The following CDH13 variants were observed in gnomAD, a reference collection of about 807,000 sequenced individuals.
The protein encoded by CDH13 is cadherin 13, also known as cadherin-13.
Under a neutral mutation model 63.8 loss-of-function variants are expected in CDH13, and 24 were observed. That is an observed-to-expected ratio of 0.38 (90% CI 0.27 to 0.53). CDH13 has a LOEUF of 0.53. Among genes scored for constraint, CDH13 ranks in the 20% least tolerant of loss-of-function variants. CDH13 has a pLI of 0.85. For missense variants in CDH13, 1,049 were observed against 903.1 expected (o/e 1.16, Z -2.07); for synonymous variants, 503 against 355.3 (o/e 1.42, Z -4.67).
At chr16:83,341,559 C>A (rs1199425506) in intron 5 of CDH13, among the ~76,000 whole-genome samples, 3 of 152,146 alleles carry the variant, frequency 2.0e-5, no homozygotes, top group Non-Finnish European at 2.9e-5. Flanking sequence ...ACAAACATTT[C>A]CTATTATATA....
intron 5 of CDH13, among the ~76,000 whole-genome samples, chr16:83,342,390 T>C (rs1457969243): frequency 2.0e-5 from 3 of 152,360 alleles, no homozygotes; most frequent in Non-Finnish European, 4.4e-5. Context: ...GGCTGACATG[T>C]AGTGAGTCCT....
chr16:83,347,069 C>T (rs1048743530), intron 6 of CDH13, among the ~76,000 whole-genome samples: 1 of 152,154 alleles, frequency 6.6e-6, no homozygotes, highest in African/African-American at 2.4e-5. Context: ...AAAAGACTTT[C>T]AAACAAAAAG....
chr16:83,408,255 G>GACA (rs2092076167), intron 6 of CDH13, among the ~76,000 whole-genome samples: 3 of 152,028 alleles, frequency 2.0e-5, no homozygotes, highest in Middle Eastern at 3.2e-3. Context: ...GACAAAACTG[G>GACA]GAACACTGCA....
At position 83,495,882 on chromosome 16, in the gene CDH13, C is replaced by A. The variant is rs9924760; in HGVS notation, c.960+9227C>A. Among the ~76,000 whole-genome samples, 5 of 151,812 alleles carry A rather than the reference C, an allele frequency of 3.3e-5. No homozygotes were observed. The South Asian group carries it at 6.2e-4, about 19-fold the overall frequency. On this transcript the variant is annotated intron_variant, in intron 7 of 13. Transcript: ENST00000567109. The stretch of plus-strand genomic sequence containing the variant: ...AACCATTAACAGACAAACAGAGAGC[C>A]AAATCATGAGTGAACTCCCATTCAC...
At chr16:82,842,147 T>TATATATATATATACATAC (rs2039057799) in intron 1 of CDH13, among the ~76,000 whole-genome samples, 1 of 21,424 alleles carries the variant, frequency 4.7e-5, no homozygotes, top group Non-Finnish European at 1.1e-4. Flanking sequence ...TACACATATA[T>TATATATATATATACATAC]ATATATATAT....
intron 4 of CDH13, among the ~76,000 whole-genome samples, chr16:83,158,659 C>A (rs193075834): frequency 6.6e-6 from 1 of 152,238 alleles, no homozygotes; most frequent in Non-Finnish European, 1.5e-5. Flanking sequence ...TGCAGAGCCA[C>A]GTTAAACAGA....
At chr16:83,550,862 C>T (rs2075477543) in intron 7 of CDH13, among the ~76,000 whole-genome samples, 1 of 152,114 alleles carries the variant, frequency 6.6e-6, no homozygotes, top group South Asian at 2.1e-4. Flanking sequence ...CCTAACCTCT[C>T]AGGTTAGAAA....
intron 8 of CDH13, chr16:83,654,996 C>T (rs1912738879): frequency 6.6e-6 from 1 of 152,290 alleles, no homozygotes; most frequent in Non-Finnish European, 1.5e-5. Context: ...ATGCACAGCC[C>T]ATGACCTTGG....
intron 7 of CDH13, among the ~76,000 whole-genome samples, chr16:83,555,597 A>G (rs117906232): frequency 0.014 from 2,082 of 152,362 alleles, 28 homozygotes; most frequent in Non-Finnish European, 0.023. Context: ...AAGTTAAAAC[A>G]TGATGTGTGA....
At chr16:83,405,511 A>G (rs1394225602) in intron 6 of CDH13, among the ~76,000 whole-genome samples, 1 of 152,224 alleles carries the variant, frequency 6.6e-6, no homozygotes, top group Non-Finnish European at 1.5e-5. Context: ...AGCAGCACCT[A>G]GAAGCAGGAA....
intron 8 of CDH13, among the ~76,000 whole-genome samples, chr16:83,635,619 G>A (rs1911190314): frequency 6.6e-6 from 1 of 152,008 alleles, no homozygotes; most frequent in Admixed American, 6.6e-5. Context: ...TGGGATTACA[G>A]GTGTGAGCCA....
chr16:83,710,934 G>T (rs1907944883), intron 10 of CDH13, among the ~76,000 whole-genome samples: 1 of 152,200 alleles, frequency 6.6e-6, no homozygotes, highest in Non-Finnish European at 1.5e-5. Flanking sequence ...GGCTGTCTCT[G>T]GTGGGCTGAA....
chr16:83,436,112 A>G (rs959713719), intron 6 of CDH13, among the ~76,000 whole-genome samples: 34 of 152,274 alleles, frequency 2.2e-4, no homozygotes, highest in African/African-American at 7.2e-4. Context: ...GTCACAAAGA[A>G]TGATTTGGTT....
At chr16:83,692,323 G>C (rs1474024032) in intron 10 of CDH13, among the ~76,000 whole-genome samples, 1 of 152,128 alleles carries the variant, frequency 6.6e-6, no homozygotes, top group African/African-American at 2.4e-5. Context: ...TGGACTCAAG[G>C]TTGCTCCCTG....
At chr16:82,643,561 A>G (rs920047759) in intron 1 of CDH13, among the ~76,000 whole-genome samples, 4 of 152,122 alleles carry the variant, frequency 2.6e-5, no homozygotes, top group African/African-American at 7.2e-5. Flanking sequence ...TGTTATTTGG[A>G]ACTGCAGGTC....
intron 1 of CDH13, among the ~76,000 whole-genome samples, chr16:82,801,007 T>A (rs562356893): frequency 6.6e-6 from 1 of 152,336 alleles, no homozygotes; most frequent in East Asian, 1.9e-4. Context: ...CAGCATTAAG[T>A]TCTTGTCTGT....
chr16:83,281,707 G>A (rs1361051022), intron 5 of CDH13, among the ~76,000 whole-genome samples: 3 of 150,890 alleles, frequency 2.0e-5, no homozygotes, highest in South Asian at 2.1e-4. Flanking sequence ...TCAGGAGTTC[G>A]AGACCAGCCT....
At chr16:82,969,728 G>A (rs1439306901) in intron 2 of CDH13, among the ~76,000 whole-genome samples, 2 of 152,084 alleles carry the variant, frequency 1.3e-5, no homozygotes, top group African/African-American at 2.4e-5. Flanking sequence ...CCTGGTTGAG[G>A]AGAATCAGGC....
chr16:82,842,544 G>A (rs2039079398), intron 1 of CDH13, among the ~76,000 whole-genome samples: 1 of 152,056 alleles, frequency 6.6e-6, no homozygotes. Flanking sequence ...TGAGGACTCA[G>A]TTAATTCTAA....
Sources: gnomAD v4.1 joint callset for allele counts (sites outside exome capture counted in the v4.1 genomes callset) on GRCh38, gnomAD v4.1.1 for gene constraint, MANE v1.5 for transcripts, NCBI Gene and HGNC (gene_info 2026-07-23, HGNC 2026-07-21) for gene names.